The following GRIA1 variants were observed in gnomAD, a reference collection of about 807,000 sequenced individuals.
The protein encoded by GRIA1 is glutamate receptor 1.
GRIA1 carries 31 observed loss-of-function variants against 99.2 expected under a neutral mutation model. That is an observed-to-expected ratio of 0.31 (90% CI 0.23 to 0.42). GRIA1 has a LOEUF of 0.42. Ranked by LOEUF, GRIA1 falls within the 10% of genes least tolerant of loss-of-function variation. GRIA1 has a pLI of 1.00. For synonymous variants in GRIA1, 438 were observed against 432.4 expected (o/e 1.01, Z -0.16); for missense variants, 782 against 1,157.5 (o/e 0.68, Z 4.71).
chr5:153,669,930 T>C (rs1486580701), intron 5 of GRIA1, among the ~76,000 whole-genome samples: 3 of 152,228 alleles, frequency 2.0e-5, no homozygotes, highest in African/African-American at 7.2e-5. Context: ...ATTCTTCTGA[T>C]GATTACCTTG....
In GRIA1 at chr5:153,812,259, C is replaced by T. The variant is rs1766867265; in HGVS notation, c.*1034C>T. The T allele has an allele frequency of 6.6e-6, 1 of 151,978 alleles. No individual in the cohort carries two copies. The highest frequency in any genetic ancestry group is 1.5e-5 in the Non-Finnish European group (1 of 68,014). 9.4% of individuals were successfully genotyped at this position (151,978 alleles called of 1,614,324 possible). A position where few individuals can be genotyped will look rare whatever the true frequency, so the allele number is the denominator to read the frequency against. ...GAGTAGACTCTCTTCTTCTATGGAG[C>T]CTCTGACATGGGGAGCAATGCTAAG... On this transcript the variant is annotated 3_prime_UTR_variant, in exon 16 of 16. Coordinates refer to ENST00000285900, the MANE Select transcript of GRIA1 (RefSeq NM_000827.4).
intron 2 of GRIA1, among the ~76,000 whole-genome samples, chr5:153,499,651 A>G (rs1754794964): frequency 6.7e-6 from 1 of 149,398 alleles, no homozygotes; most frequent in African/African-American, 2.5e-5. Context: ...CTATGAATAT[A>G]TGGACAGAGA....
At chr5:153,764,702 C>T (rs1763398225) in intron 12 of GRIA1, 70 bp downstream of exon 12, 9 of 1,103,700 alleles carry the variant, frequency 8.2e-6, no homozygotes, top group African/African-American at 1.5e-5. Flanking sequence ...ATGTCCTTCT[C>T]ATTATATAGC....
At chr5:153,680,502 A>G (rs1756901584) in intron 7 of GRIA1, among the ~76,000 whole-genome samples, 1 of 152,176 alleles carries the variant, frequency 6.6e-6, no homozygotes, top group South Asian at 2.1e-4. Flanking sequence ...GCTTAGAAAA[A>G]TGCATATGTG....
At chr5:153,682,636 C>T (rs771672634) in intron 7 of GRIA1, among the ~76,000 whole-genome samples, 13 of 152,056 alleles carry the variant, frequency 8.5e-5, no homozygotes, top group Non-Finnish European at 1.8e-4. Flanking sequence ...CTCTTAACCC[C>T]GATGCTTGCT....
At chr5:153,552,157 G>C (rs1382533289) in intron 2 of GRIA1, among the ~76,000 whole-genome samples, 1 of 151,704 alleles carries the variant, frequency 6.6e-6, no homozygotes, top group Non-Finnish European at 1.5e-5. Context: ...CTTTTTAAGA[G>C]GAAGAGAGAA....
At chr5:153,499,718 A>G (rs1754803699) in intron 2 of GRIA1, among the ~76,000 whole-genome samples, 1 of 151,376 alleles carries the variant, frequency 6.6e-6, no homozygotes, top group African/African-American at 2.4e-5. Context: ...GGAATTTATG[A>G]TTCAAGCTTA....
intron 11 of GRIA1, among the ~76,000 whole-genome samples, chr5:153,750,960 C>T (rs554564150): frequency 2.0e-5 from 3 of 152,112 alleles, no homozygotes; most frequent in African/African-American, 4.8e-5. Context: ...ATTAGCTAGG[C>T]GTGGTGGCGC....
intron 2 of GRIA1, among the ~76,000 whole-genome samples, chr5:153,632,113 C>T (rs1753023135): frequency 6.6e-6 from 1 of 152,048 alleles, no homozygotes; most frequent in South Asian, 2.1e-4. Context: ...TTTCCATTTT[C>T]AAAAGAGCTT....
intron 2 of GRIA1, among the ~76,000 whole-genome samples, chr5:153,641,222 G>A (rs1213523153): frequency 6.6e-6 from 1 of 152,074 alleles, no homozygotes; most frequent in African/African-American, 2.4e-5. Flanking sequence ...TTACAATGAG[G>A]CTGCCACATT....
At chr5:153,519,184 A>G (rs1371553616) in intron 2 of GRIA1, among the ~76,000 whole-genome samples, 1 of 152,050 alleles carries the variant, frequency 6.6e-6, no homozygotes, top group African/African-American at 2.4e-5. Context: ...AATCGCTGGA[A>G]TCGGGAGGTG....
chr5:153,676,180 A>T (rs7715366), intron 6 of GRIA1, among the ~76,000 whole-genome samples: 15,880 of 152,238 alleles, frequency 0.1, 917 homozygotes, highest in South Asian at 0.2. Flanking sequence ...TTTAAAAAAG[A>T]AGTGAGAGAA....
chr5:153,586,670 G>A (rs1763511436), intron 2 of GRIA1, among the ~76,000 whole-genome samples: 2 of 152,106 alleles, frequency 1.3e-5, no homozygotes, highest in Non-Finnish European at 2.9e-5. Context: ...AGAGTGGCAT[G>A]GTGATTAAGT....
At chr5:153,494,191 T>G (rs1754198727) in intron 2 of GRIA1, 126 bp downstream of exon 2, 1 of 1,009,802 alleles carries the variant, frequency 9.9e-7, no homozygotes, top group African/African-American at 1.6e-5. Flanking sequence ...GAGAAAGCCC[T>G]CCAAGAAAAA....
At chr5:153,809,340 A>T (rs1052211372) in intron 15 of GRIA1, among the ~76,000 whole-genome samples, 1 of 152,216 alleles carries the variant, frequency 6.6e-6, no homozygotes, top group African/African-American at 2.4e-5. Context: ...AAGACAGCCA[A>T]GGGAGAATGT....
intron 2 of GRIA1, among the ~76,000 whole-genome samples, chr5:153,636,722 T>G (rs1003408512): frequency 1.3e-5 from 2 of 152,228 alleles, no homozygotes; most frequent in African/African-American, 4.8e-5. Context: ...TTTCTCTCTA[T>G]GAAATAAAAA....
intron 2 of GRIA1, among the ~76,000 whole-genome samples, chr5:153,530,688 G>T (rs1025636766): frequency 6.6e-6 from 1 of 152,208 alleles, no homozygotes; most frequent in South Asian, 2.1e-4. Context: ...ATTCAGACAG[G>T]CATGCTTTAC....
chr5:153,726,960 T>G (rs893149332), intron 11 of GRIA1, among the ~76,000 whole-genome samples: 1 of 152,166 alleles, frequency 6.6e-6, no homozygotes, highest in Non-Finnish European at 1.5e-5. Context: ...CCAACATCCT[T>G]GATGAACATT....
intron 2 of GRIA1, among the ~76,000 whole-genome samples, chr5:153,500,142 C>T (rs921843346): frequency 8.5e-5 from 13 of 152,258 alleles, no homozygotes; most frequent in African/African-American, 3.1e-4. Context: ...TAGAAAAATC[C>T]TTGTAAACAT....
Sources: gnomAD v4.1 joint callset for allele counts (sites outside exome capture counted in the v4.1 genomes callset) on GRCh38, gnomAD v4.1.1 for gene constraint, MANE v1.5 for transcripts, NCBI Gene and HGNC (gene_info 2026-07-23, HGNC 2026-07-21) for gene names.